Variants in DSE observed in about 807,000 individuals in gnomAD.
DSE encodes dermatan-sulfate epimerase.
In DSE, 36 loss-of-function variants were observed where a neutral mutation model predicts 84.4. That is an observed-to-expected ratio of 0.43 (90% CI 0.33 to 0.56). The LOEUF (loss-of-function observed/expected upper bound fraction) is 0.56. Ranked by LOEUF, DSE falls within the 20% of genes least tolerant of loss-of-function variation. The probability of loss-of-function intolerance (pLI) is 0.06; values close to 1 mark genes in which losing one functional copy is unlikely to be tolerated. For synonymous variants in DSE, 410 were observed against 430.1 expected, an observed-to-expected ratio of 0.95 and a Z score of 0.58; for missense variants, 862 against 1,169.6, an observed-to-expected ratio of 0.74 and a Z score of 3.84.
intron 2 of DSE, among the ~76,000 whole-genome samples, chr6:116,362,924 A>C (rs1464362044): frequency 6.6e-6 from 1 of 152,214 alleles, no homozygotes; most frequent in Non-Finnish European, 1.5e-5. Context: ...ACTCAAAAGA[A>C]GTTAAGTGAT....
chr6:116,386,791 G>T (rs1780602354), intron 1 of DSE, among the ~76,000 whole-genome samples: 1 of 152,170 alleles, frequency 6.6e-6, no homozygotes, highest in Non-Finnish European at 1.5e-5. Context: ...AGCTGGTAAA[G>T]GGCCAGTCCT....
intron 2 of DSE, among the ~76,000 whole-genome samples, chr6:116,299,202 C>T (rs1162367200): frequency 6.6e-6 from 1 of 151,958 alleles, no homozygotes; most frequent in African/African-American, 2.4e-5. Flanking sequence ...AGAAATTGCA[C>T]AGTTGTGTCC....
Position 116,336,921 on chromosome 6 carries a change from C to A in DSE, c.-53-62277C>A, listed in dbSNP as rs1182510319. Among the ~76,000 whole-genome samples the A allele has an allele frequency of 3.3e-5, 5 of 152,080 alleles. No individual in the cohort carries two copies. The East Asian group carries it at 9.6e-4, about 29-fold the overall frequency. ...CATTAAATAATAATTTTATTGTCAG[C>A]ACTATATGTAAGGCTACATTTCATG... On this transcript the variant is annotated intron_variant, in intron 2 of 3. Coordinates refer to the DSE transcript ENST00000430252.
intron 1 of DSE, among the ~76,000 whole-genome samples, chr6:116,391,658 G>A (rs1780914550): frequency 6.6e-6 from 1 of 151,750 alleles, no homozygotes; most frequent in South Asian, 2.1e-4. Flanking sequence ...CCCACTGCTT[G>A]GGAGGCTGAG....
chr6:116,406,199 C>T (rs1381290842), intron 2 of DSE, among the ~76,000 whole-genome samples: 1 of 152,084 alleles, frequency 6.6e-6, no homozygotes, highest in Non-Finnish European at 1.5e-5. Flanking sequence ...CATTTGATAC[C>T]TTTTTAAATG....
intron 2 of DSE, among the ~76,000 whole-genome samples, chr6:116,299,555 CAT>C (rs1431165656): frequency 0.061 from 1,622 of 26,538 alleles, 76 homozygotes; most frequent in African/African-American, 0.11. Flanking sequence ...TATATATACA[CAT>C]ACACACACAC....
chr6:116,300,207 A>T (rs1425953694), intron 2 of DSE, among the ~76,000 whole-genome samples: 1 of 152,174 alleles, frequency 6.6e-6, no homozygotes, highest in Non-Finnish European at 1.5e-5. Context: ...TTAGAACCCA[A>T]AGTTACAATT....
chr6:116,285,215 A>G (rs1163846493), intron 2 of DSE, among the ~76,000 whole-genome samples: 1 of 152,166 alleles, frequency 6.6e-6, no homozygotes, highest in Non-Finnish European at 1.5e-5. Flanking sequence ...CGCCATTCTA[A>G]CTGGTATGAG....
intron 2 of DSE, among the ~76,000 whole-genome samples, chr6:116,343,120 C>A (rs1562242278): frequency 6.6e-6 from 1 of 152,190 alleles, no homozygotes; most frequent in Non-Finnish European, 1.5e-5. Flanking sequence ...ATTGCTGAGT[C>A]TTGAGTAGGT....
At chr6:116,335,878 C>T (rs535349224) in intron 2 of DSE, among the ~76,000 whole-genome samples, 2 of 152,320 alleles carry the variant, frequency 1.3e-5, no homozygotes, top group African/African-American at 4.8e-5. Flanking sequence ...TCAGGAAAAA[C>T]TGCTCTGTTT....
chr6:116,417,772 A>G (rs868625219), intron 2 of DSE, among the ~76,000 whole-genome samples: 7 of 152,190 alleles, frequency 4.6e-5, no homozygotes, highest in Admixed American at 3.3e-4. Context: ...AATTGTTTCC[A>G]GAAAGGGCAA....
At chr6:116,425,065 A>G (rs550250448) in intron 2 of DSE, among the ~76,000 whole-genome samples, 3 of 152,340 alleles carry the variant, frequency 2.0e-5, no homozygotes, top group African/African-American at 7.2e-5. Flanking sequence ...TTACCACATT[A>G]CAGTTGTTAT....
intron 2 of DSE, among the ~76,000 whole-genome samples, chr6:116,357,333 C>T: frequency 6.6e-6 from 1 of 152,112 alleles, no homozygotes; most frequent in East Asian, 1.9e-4. Flanking sequence ...GAGATCGAGA[C>T]CATCCTGGCT....
rs900020123 is a variant in DSE, at chr6:116,283,966, T to C, written c.-54+24999T>C. On this transcript the variant is annotated intron_variant, in intron 2 of 3. Transcript: ENST00000430252. ...ATTTGCAGAGGAAATACATTTTGGC[T>C]ATGCTTCATATATCACCTTTTTTGC... 2.0e-5 allele frequency among the ~76,000 whole-genome samples: 3 copies of C among 152,254 alleles called. No individual in the cohort carries two copies. In the East Asian group the frequency reaches 5.8e-4, roughly 29 times the overall value.
At chr6:116,299,181 T>C (rs562021417) in intron 2 of DSE, among the ~76,000 whole-genome samples, 12 of 152,134 alleles carry the variant, frequency 7.9e-5, no homozygotes, top group Non-Finnish European at 1.5e-4. Context: ...AGCAGTTTTC[T>C]GATGTGACCT....
intron 2 of DSE, among the ~76,000 whole-genome samples, chr6:116,287,553 C>T (rs984128157): frequency 6.6e-6 from 1 of 152,002 alleles, no homozygotes; most frequent in Non-Finnish European, 1.5e-5. Context: ...ACCATAATTT[C>T]CTTCCTGGAA....
intron 2 of DSE, among the ~76,000 whole-genome samples, chr6:116,345,414 C>T (rs938430675): frequency 1.8e-4 from 27 of 152,192 alleles, no homozygotes; most frequent in African/African-American, 4.8e-4. Flanking sequence ...TTATAACAAA[C>T]TGTCTCTCAG....
intron 2 of DSE, among the ~76,000 whole-genome samples, chr6:116,352,819 G>A (rs1480848327): frequency 6.6e-6 from 1 of 152,172 alleles, no homozygotes; most frequent in Admixed American, 6.6e-5. Context: ...CAAAAAATAG[G>A]CTTTCCAAAA....
chr6:116,440,431 G>T lies in DSE; in HGVS notation c.*3086G>T, dbSNP rs1245317302. On this transcript the variant is annotated 3_prime_UTR_variant, in exon 6 of 6. Coordinates refer to ENST00000644252, the MANE Select transcript of DSE (RefSeq NM_013352.4). ...TTCTGCCTCAGCCTTCCAAAGTACT[G>T]GGATTAGAGGCATAGGTCATCATGC... The T allele has an allele frequency of 1.3e-5, 2 of 152,138 alleles. No homozygotes were observed. Among genetic ancestry groups the T allele is most frequent in the Non-Finnish European group, 2.9e-5 (2 of 68,028 alleles). 9.4% of individuals were successfully genotyped at this position (152,138 alleles called of 1,614,324 possible). A position where few individuals can be genotyped will look rare whatever the true frequency, so the allele number is the denominator to read the frequency against.
Sources: gnomAD v4.1 joint callset for allele counts (sites outside exome capture counted in the v4.1 genomes callset) on GRCh38, gnomAD v4.1.1 for gene constraint, MANE v1.5 for transcripts, NCBI Gene and HGNC (gene_info 2026-07-23, HGNC 2026-07-21) for gene names.